COLGALT2: variants seen among roughly 807,000 people sequenced by gnomAD.
The protein encoded by COLGALT2 is procollagen galactosyltransferase 2.
A neutral mutation model predicts 73.4 loss-of-function variants in COLGALT2; 49 were observed. That is an observed-to-expected ratio of 0.67 (90% CI 0.53 to 0.85). COLGALT2 has a LOEUF of 0.85. Among genes scored for constraint, COLGALT2 ranks in the 40% least tolerant of loss-of-function variants. The pLI is 0.00. For missense variants in COLGALT2, 722 were observed against 790.2 expected (o/e 0.91, Z 1.03); for synonymous variants, 295 against 307.6 (o/e 0.96, Z 0.43).
At chr1:184,034,112 A>G (rs1350728796) in intron 1 of COLGALT2, among the ~76,000 whole-genome samples, 1 of 152,132 alleles carries the variant, frequency 6.6e-6, no homozygotes, top group East Asian at 1.9e-4. Context: ...TCAGAGTGTT[A>G]TATCTCATAA....
In COLGALT2 at chr1:184,024,527, A is replaced by G. The variant is rs186627209; in HGVS notation, c.263+12568T>C. Among the ~76,000 whole-genome samples the G allele has an allele frequency of 1.5e-4, 23 of 151,162 alleles. No homozygotes were observed. The East Asian group carries it at 4.3e-3, about 28-fold the overall frequency. ...ATCACCACACCCGGCTAATTTTTGT[A>G]TTTTAGTAGAGATGGGGTTTCACCA... On this transcript the variant is annotated intron_variant, in intron 1 of 11. Transcript: ENST00000361927.
chr1:184,037,536 G>A lies in COLGALT2; in HGVS notation c.-179C>T. The A allele has an allele frequency of 8.8e-7, 1 of 1,133,948 alleles. No individual in the cohort carries two copies. The highest frequency in any genetic ancestry group is 1.6e-5 in the African/African-American group (1 of 61,120). The allele number at this position is 1,133,948 out of a possible 1,614,324, so 70.2% of individuals were successfully genotyped here. On this transcript the variant is annotated 5_prime_UTR_variant, in exon 1 of 12. Transcript: ENST00000361927. ...CGGCTGCGGTTCCCAGGACCCTCCC[G>A]CCGCCGCTGCACCGCCCAGGCCCCA...
At chr1:183,992,291 C>T (rs560847855) in intron 1 of COLGALT2, among the ~76,000 whole-genome samples, 1 of 152,288 alleles carries the variant, frequency 6.6e-6, no homozygotes, top group East Asian at 1.9e-4. Context: ...TCTACCACTA[C>T]TCTAAGAGGC....
chr1:183,949,918 C>T (rs1159397254), intron 8 of COLGALT2, among the ~76,000 whole-genome samples: 1 of 152,188 alleles, frequency 6.6e-6, no homozygotes, highest in Non-Finnish European at 1.5e-5. Flanking sequence ...ATGAATGGGA[C>T]TGGTGTTCTT....
At chr1:183,980,741 A>T (rs1671327177) in intron 1 of COLGALT2, among the ~76,000 whole-genome samples, 1 of 150,820 alleles carries the variant, frequency 6.6e-6, no homozygotes, top group South Asian at 2.1e-4. Flanking sequence ...CCTTATAAAG[A>T]TTTACACACA....
chr1:183,969,179 G>T (rs199646417), intron 5 of COLGALT2, 90 bp downstream of exon 5: 53 of 1,029,546 alleles, frequency 5.1e-5, no homozygotes, highest in African/African-American at 5.0e-4. Context: ...ACATATGAGG[G>T]TTTTTTTTTT....
chr1:183,975,046 T>C, intron 3 of COLGALT2, 51 bp downstream of exon 3: 1 of 1,338,408 alleles, frequency 7.5e-7, no homozygotes, highest in Non-Finnish European at 1.1e-6. Flanking sequence ...GACGACTGAT[T>C]TGGATACACC....
rs750897222 is a variant in COLGALT2, at chr1:183,973,656, C to G, written c.587G>C (p.Arg196Pro). Reference sequence around the variant, plus strand: ...GCACCAGAAATTAGAATACAGGCCCCGAGACTCCAGCATGGGGGCCACAAT... The same window carrying G: ...GCACCAGAAATTAGAATACAGGCCCGGAGACTCCAGCATGGGGGCCACAAT... ...KTIVAPMLES[R>P]GLYSNFWCGI... is the part of the protein sequence containing the mutation. The change falls in exon 4 of 12, where the codon CGG becomes CCG. Residue 196 changes from arginine (R) to proline (P), a missense_variant. Arg to Pro is a moderately radical substitution (Grantham distance 103). Transcript: ENST00000361927. 7 of 1,613,804 alleles carry G rather than the reference C, an allele frequency of 4.3e-6. No homozygotes were observed. In the South Asian group the frequency reaches 5.5e-5, roughly 13 times the overall value.
At chr1:183,968,061 T>C (rs914435518) in intron 5 of COLGALT2, among the ~76,000 whole-genome samples, 22 of 152,350 alleles carry the variant, frequency 1.4e-4, no homozygotes, top group Non-Finnish European at 3.2e-4. Context: ...GAATTGTAGC[T>C]TGAATTTGTA....
At chr1:184,003,791 A>G (rs954314901) in intron 1 of COLGALT2, among the ~76,000 whole-genome samples, 2 of 152,156 alleles carry the variant, frequency 1.3e-5, no homozygotes, top group African/African-American at 2.4e-5. Flanking sequence ...TTCCAAGTCT[A>G]TATAAAATAA....
intron 11 of COLGALT2, among the ~76,000 whole-genome samples, chr1:183,930,569 CTTTT>C (rs397861890): frequency 1.8e-5 from 2 of 114,064 alleles, no homozygotes; most frequent in Non-Finnish European, 3.5e-5. Context: ...TTTTCTTTTT[CTTTT>C]TTTTTTTTTT....
intron 1 of COLGALT2, among the ~76,000 whole-genome samples, chr1:184,018,970 T>C (rs905686437): frequency 3.9e-5 from 6 of 152,216 alleles, no homozygotes; most frequent in Non-Finnish European, 7.3e-5. Flanking sequence ...ATTCGTGTTT[T>C]ATTAGAGATT....
At chr1:183,990,316 C>T (rs1444303047) in intron 1 of COLGALT2, among the ~76,000 whole-genome samples, 1 of 152,172 alleles carries the variant, frequency 6.6e-6, no homozygotes, top group Non-Finnish European at 1.5e-5. Flanking sequence ...CCTTTCACAT[C>T]AAACTCCTAG....
intron 1 of COLGALT2, among the ~76,000 whole-genome samples, chr1:184,027,460 A>T (rs1009260566): frequency 6.6e-6 from 1 of 152,194 alleles, no homozygotes; most frequent in Non-Finnish European, 1.5e-5. Flanking sequence ...GTATCTAACA[A>T]ATGCTCCAGG....
chr1:184,000,110 T>C (rs1356175455), intron 1 of COLGALT2, among the ~76,000 whole-genome samples: 1 of 152,198 alleles, frequency 6.6e-6, no homozygotes, highest in Admixed American at 6.5e-5. Flanking sequence ...ATTTTCCAAA[T>C]CATGGCAATT....
At chr1:183,942,146 C>T (rs111523354) in intron 10 of COLGALT2, among the ~76,000 whole-genome samples, 1,919 of 152,120 alleles carry the variant, frequency 0.013, 47 homozygotes, top group African/African-American at 0.044. Context: ...GACGTGGTTT[C>T]ACCGTGTTAG....
chr1:183,943,265 C>G (rs1042075825), intron 10 of COLGALT2, among the ~76,000 whole-genome samples: 2 of 152,174 alleles, frequency 1.3e-5, no homozygotes, highest in African/African-American at 4.8e-5. Context: ...AGTTAAATAC[C>G]GCCTGTGGGT....
At chr1:183,981,834 T>G (rs943936959) in intron 1 of COLGALT2, among the ~76,000 whole-genome samples, 10 of 152,158 alleles carry the variant, frequency 6.6e-5, no homozygotes, top group Non-Finnish European at 1.0e-4. Flanking sequence ...GAAAAATACA[T>G]TGTTAAGCAA....
chr1:184,003,275 TAA>T (rs560938365), intron 1 of COLGALT2, among the ~76,000 whole-genome samples: 29 of 152,346 alleles, frequency 1.9e-4, no homozygotes, highest in Non-Finnish European at 3.2e-4. Context: ...TTTCCAAGGC[TAA>T]GTCAGAAAAG....
Sources: allele counts gnomAD v4.1 joint callset (sites outside exome capture counted in the v4.1 genomes callset), GRCh38; gene constraint gnomAD v4.1.1; transcripts MANE v1.5; gene names NCBI Gene and HGNC (gene_info 2026-07-23, HGNC 2026-07-21).